FNBP1: variants seen among roughly 807,000 people sequenced by gnomAD.
The protein encoded by FNBP1 is formin binding protein 1.
A neutral mutation model predicts 90.6 loss-of-function variants in FNBP1; 26 were observed. The observed-to-expected ratio is 0.29, with a 90% CI of 0.21 to 0.40. The LOEUF (loss-of-function observed/expected upper bound fraction) is 0.40, where lower values mean the gene tolerates loss of function less well. Among genes scored for constraint, FNBP1 ranks in the 10% least tolerant of loss-of-function variants. FNBP1 has a pLI of 1.00. For missense variants in FNBP1, 635 were observed against 768.0 expected (o/e 0.83, Z 2.05); for synonymous variants, 260 against 265.2 (o/e 0.98, Z 0.19).
intron 1 of FNBP1, among the ~76,000 whole-genome samples, chr9:130,033,646 G>A (rs570878382): frequency 1.5e-4 from 23 of 151,142 alleles, no homozygotes; most frequent in African/African-American, 5.4e-4. Context: ...AGTCCAGCCT[G>A]GGCAACACAG....
intron 2 of FNBP1, among the ~76,000 whole-genome samples, chr9:129,986,324 C>T (rs1239209157): frequency 6.6e-6 from 1 of 151,768 alleles, no homozygotes; most frequent in Non-Finnish European, 1.5e-5. Flanking sequence ...TCAAGAATCC[C>T]AATACTATGG....
chr9:129,923,872 AT>A lies in FNBP1; in HGVS notation c.1141del (p.Ile381SerfsTer7). 6.3e-7 allele frequency: 1 copy of A among 1,588,710 alleles called. No homozygotes were observed. The highest frequency in any genetic ancestry group is 8.6e-7 in the Non-Finnish European group (1 of 1,167,018). On this transcript the variant is annotated frameshift_variant, in exon 10 of 17. Coordinates refer to ENST00000446176, the MANE Select transcript of FNBP1 (RefSeq NM_015033.3). LOFTEE classifies it high-confidence loss of function. ...ACGCTTTAGGCTCCTGAAGCAGTGG[AT>A]TTTGGGTTTGGAGGTCATGAACTCG... ...FNEFMTSKPK[I>X]HCFRSLKRGL...
chr9:129,898,454 C>T (rs560291361), intron 15 of FNBP1, among the ~76,000 whole-genome samples: 1 of 152,054 alleles, frequency 6.6e-6, no homozygotes, highest in South Asian at 2.1e-4. Context: ...CTGTCCTCCC[C>T]GTTCCTCTGT....
Position 130,020,430 on chromosome 9 carries a change from G to A in FNBP1, c.24+22522C>T, listed in dbSNP as rs529528989. ...TCACCATGTTGGTCAGGCTGGTCTCGAACTCCTGGTCTCAAGTGATCCACC... is the reference window on the plus strand; with the variant it reads ...TCACCATGTTGGTCAGGCTGGTCTCAAACTCCTGGTCTCAAGTGATCCACC... On this transcript the variant is annotated intron_variant, in intron 1 of 16. Coordinates refer to ENST00000446176, the MANE Select transcript of FNBP1 (RefSeq NM_015033.3). Among the ~76,000 whole-genome samples the A allele has an allele frequency of 8.7e-4, 133 of 152,134 alleles. 1 individual carries two copies. The highest frequency in any genetic ancestry group is 1.6e-3 in the Non-Finnish European group (112 of 68,004).
chr9:129,980,626 C>T (rs2051049574), intron 2 of FNBP1, among the ~76,000 whole-genome samples: 3 of 141,070 alleles, frequency 2.1e-5, no homozygotes. Flanking sequence ...AAATATTTTT[C>T]TTTATATTCA....
chr9:129,892,773 A>G (rs1436371093), intron 16 of FNBP1, among the ~76,000 whole-genome samples: 1 of 152,230 alleles, frequency 6.6e-6, no homozygotes, highest in Non-Finnish European at 1.5e-5. Flanking sequence ...CCTGAAATTT[A>G]CAAAATATCT....
intron 6 of FNBP1, among the ~76,000 whole-genome samples, chr9:129,952,371 C>A (rs887620361): frequency 6.6e-5 from 10 of 151,786 alleles, no homozygotes; most frequent in African/African-American, 2.4e-4. Context: ...TGGTGGCAGG[C>A]ACCTTAATCT....
intron 6 of FNBP1, among the ~76,000 whole-genome samples, chr9:129,940,185 T>C (rs1377854972): frequency 6.6e-6 from 1 of 152,030 alleles, no homozygotes; most frequent in Non-Finnish European, 1.5e-5. Flanking sequence ...TGGGCTTAGG[T>C]GACAGAATAA....
upstream of FNBP1, among the ~76,000 whole-genome samples, chr9:130,047,380 C>T (rs557542222): frequency 3.3e-5 from 5 of 152,120 alleles, no homozygotes; most frequent in South Asian, 2.1e-4. Flanking sequence ...TTTGGGAGGC[C>T]GAGGAGGATG....
At chr9:129,978,955 G>T (rs531748859) in intron 3 of FNBP1, among the ~76,000 whole-genome samples, 27 of 152,306 alleles carry the variant, frequency 1.8e-4, no homozygotes, top group African/African-American at 5.1e-4. Context: ...AGTGGTCTGT[G>T]TTAAGATGCC....
intron 4 of FNBP1, among the ~76,000 whole-genome samples, chr9:129,962,618 CTT>C (rs1487574911): frequency 6.6e-6 from 1 of 152,192 alleles, no homozygotes; most frequent in Admixed American, 6.5e-5. Flanking sequence ...TCTTGTCTCT[CTT>C]TTGAGGTCGA....
At position 130,031,151 on chromosome 9, in the gene FNBP1, C is replaced by T. The variant is rs559045084; in HGVS notation, c.24+11801G>A. Among the ~76,000 whole-genome samples the T allele has an allele frequency of 8.5e-5, 13 of 152,278 alleles. No homozygotes were observed. In the South Asian group the frequency reaches 1.2e-3, roughly 15 times the overall value. On this transcript the variant is annotated intron_variant, in intron 1 of 16. Coordinates refer to ENST00000446176, the MANE Select transcript of FNBP1 (RefSeq NM_015033.3). This position sits in a 1 kb window ranked among gnomAD's most constrained non-coding sequence, Gnocchi z 4.2. ...CCCAGCAATCCATTTTAGCCTTATT[C>T]CACCCACATATAAACAGGTTGAGAA...
intron 4 of FNBP1, among the ~76,000 whole-genome samples, chr9:129,970,972 C>T (rs1054204395): frequency 2.0e-5 from 3 of 151,782 alleles, no homozygotes; most frequent in Non-Finnish European, 4.4e-5. Flanking sequence ...CTGCAACCTC[C>T]GCCTCCAGGT....
Position 130,009,508 on chromosome 9 carries a change from TA to T in FNBP1, c.25-14551del, listed in dbSNP as rs531560028. The stretch of plus-strand genomic sequence containing the variant: ...CATCTCTACTAAACCTCATTTCTAC[TA>T]AAAAAAAAAATGGCTGGGCACAATG... On this transcript the variant is annotated intron_variant, in intron 1 of 16. Transcript: ENST00000446176. 3.4e-3 allele frequency among the ~76,000 whole-genome samples: 493 copies of T among 145,546 alleles called. 1 individual carries two copies. The highest frequency in any genetic ancestry group is 5.1e-3 in the Non-Finnish European group (336 of 65,788).
At chr9:129,903,317 G>T (rs144469600) in intron 12 of FNBP1, among the ~76,000 whole-genome samples, 1 of 152,128 alleles carries the variant, frequency 6.6e-6, no homozygotes, top group Non-Finnish European at 1.5e-5. Flanking sequence ...CTCCTAAAGT[G>T]CTGGGATTAT....
At chr9:129,940,840 T>C (rs1170260505) in intron 6 of FNBP1, among the ~76,000 whole-genome samples, 1 of 151,946 alleles carries the variant, frequency 6.6e-6, no homozygotes, top group African/African-American at 2.4e-5. Context: ...TTGGCCAGGA[T>C]GGTCTCAATC....
the FNBP1 span, among the ~76,000 whole-genome samples, chr9:130,048,591 G>A: frequency 1.4e-5 from 2 of 142,774 alleles, no homozygotes; most frequent in South Asian, 2.3e-4. Context: ...TCATTCTCCT[G>A]CCTCAGCCTC....
chr9:130,012,504 A>G (rs559758507), intron 1 of FNBP1, among the ~76,000 whole-genome samples: 1 of 152,320 alleles, frequency 6.6e-6, no homozygotes, highest in South Asian at 2.1e-4. Context: ...CTACTTTTAA[A>G]AATATACAAA....
intron 8 of FNBP1, among the ~76,000 whole-genome samples, chr9:129,925,671 G>A (rs1197113725): frequency 8.5e-6 from 1 of 116,960 alleles, no homozygotes. Flanking sequence ...TCAGCTCACC[G>A]CAACCTCCGC....
Sources: gnomAD v4.1 joint callset for allele counts (sites outside exome capture counted in the v4.1 genomes callset) on GRCh38, gnomAD v4.1.1 for gene constraint, Gnocchi (gnomAD v3.1) non-coding constraint, MANE v1.5 for transcripts, NCBI Gene and HGNC (gene_info 2026-07-23, HGNC 2026-07-21) for gene names.